TLL1: variants seen among roughly 807,000 people sequenced by gnomAD.
The protein encoded by TLL1 is tolloid like 1.
In TLL1, 49 loss-of-function variants were observed where a neutral mutation model predicts 128.2. That is an observed-to-expected ratio of 0.38 (90% confidence interval 0.30 to 0.48). TLL1 has a LOEUF of 0.48. Ranked by LOEUF, TLL1 falls within the 20% of genes least tolerant of loss-of-function variation. The pLI, the probability that TLL1 is intolerant of heterozygous loss-of-function variation, is 0.96. For synonymous variants in TLL1, 454 were observed against 418.8 expected, an observed-to-expected ratio of 1.08 and a Z score of -1.03; for missense variants, 1,123 against 1,242.0, an observed-to-expected ratio of 0.90 and a Z score of 1.44.
At chr4:165,923,325 T>TAAATATTTGACAAATCAAATATTC (rs1733120667) in intron 1 of TLL1, among the ~76,000 whole-genome samples, 1 of 151,734 alleles carries the variant, frequency 6.6e-6, no homozygotes, top group South Asian at 2.1e-4. Flanking sequence ...GTCAAATATT[T>TAAATATTTGACAAATCAAATATTC]AAATATTTGA....
intron 6 of TLL1, among the ~76,000 whole-genome samples, chr4:166,006,183 T>A (rs529855048): frequency 6.6e-6 from 1 of 151,966 alleles, no homozygotes; most frequent in Non-Finnish European, 1.5e-5. Context: ...CAAATTGGTA[T>A]AAGGATTGGG....
At chr4:165,896,462 T>G (rs1731683985) in intron 1 of TLL1, among the ~76,000 whole-genome samples, 1 of 150,576 alleles carries the variant, frequency 6.6e-6, no homozygotes, top group East Asian at 2.0e-4. Flanking sequence ...ACGAGATTGC[T>G]GGGTCAAATG....
Position 165,873,899 on chromosome 4 carries a change from A to G in TLL1, c.-6A>G. 1 of 1,612,562 alleles carries G rather than the reference A, an allele frequency of 6.2e-7. No homozygotes were observed. Among genetic ancestry groups the G allele is most frequent in the Non-Finnish European group, 8.5e-7 (1 of 1,179,738 alleles). On this transcript the variant is annotated 5_prime_UTR_variant, in exon 1 of 21. Transcript: ENST00000061240. ...CCGTCCCCTCCTTTTCCTCCGGGGG[A>G]GGAGGATGGGGTTGGGAACGCTTTC...
intron 1 of TLL1, among the ~76,000 whole-genome samples, chr4:165,900,435 G>A (rs1011345137): frequency 6.6e-6 from 1 of 152,096 alleles, no homozygotes; most frequent in Non-Finnish European, 1.5e-5. Flanking sequence ...GCCTGGTGGT[G>A]ACAAAATCTC....
intron 2 of TLL1, among the ~76,000 whole-genome samples, chr4:165,990,877 A>G (rs77904418): frequency 2.6e-5 from 4 of 152,092 alleles, no homozygotes; most frequent in African/African-American, 7.2e-5. Flanking sequence ...TAAAACATAT[A>G]TCAGTATGGG....
At chr4:166,031,396 C>G (rs1221176080) in intron 9 of TLL1, among the ~76,000 whole-genome samples, 2 of 128,798 alleles carry the variant, frequency 1.6e-5, no homozygotes, top group East Asian at 2.2e-4. Context: ...TGACATGGAG[C>G]CTTGCTGTGT....
At chr4:165,999,477 C>T (rs909153819) in intron 5 of TLL1, among the ~76,000 whole-genome samples, 2 of 152,032 alleles carry the variant, frequency 1.3e-5, no homozygotes, top group Admixed American at 6.6e-5. Context: ...TTCGTGAGAA[C>T]TCCCTTATTA....
At position 165,984,779 on chromosome 4, in the gene TLL1, T is replaced by G. The variant is rs765678762; in HGVS notation, c.170-4602T>G. On this transcript the variant is annotated intron_variant, in intron 1 of 20. Transcript: ENST00000061240. ...AGAAAAGGGGACACAATTCCTATAATTACACTTAATAATATATGTCACTAA... is the reference window on the plus strand; with the variant it reads ...AGAAAAGGGGACACAATTCCTATAAGTACACTTAATAATATATGTCACTAA... Among the ~76,000 whole-genome samples the G allele has an allele frequency of 1.8e-4, 27 of 152,066 alleles. No homozygotes were observed. The Middle Eastern group carries it at 0.01, about 57-fold the overall frequency.
intron 12 of TLL1, among the ~76,000 whole-genome samples, chr4:166,048,870 A>G (rs1739585348): frequency 6.6e-6 from 1 of 152,362 alleles, no homozygotes; most frequent in East Asian, 1.9e-4. Context: ...GCTGATTAAT[A>G]CCGTTAACCA....
At chr4:166,084,026 TC>T in intron 18 of TLL1, among the ~76,000 whole-genome samples, 1 of 152,268 alleles carries the variant, frequency 6.6e-6, no homozygotes, top group Admixed American at 6.5e-5. Flanking sequence ...GATTCCCTTT[TC>T]TCCACATCCT....
At chr4:166,096,210 G>GT (rs1742010374) in intron 19 of TLL1, among the ~76,000 whole-genome samples, 1 of 145,480 alleles carries the variant, frequency 6.9e-6, no homozygotes, top group Non-Finnish European at 1.5e-5. Context: ...TTCTGTCATG[G>GT]GTGTGTGTGT....
chr4:165,958,636 A>C (rs112469774), intron 1 of TLL1, among the ~76,000 whole-genome samples: 1 of 127,370 alleles, frequency 7.9e-6, no homozygotes. Context: ...AGTAGGTTGC[A>C]AAAATTTTCT....
chr4:165,874,170 C>G, intron 1 of TLL1, 97 bp downstream of exon 1: 1 of 1,443,742 alleles, frequency 6.9e-7, no homozygotes, highest in South Asian at 1.2e-5. Flanking sequence ...TCCTTCCCTC[C>G]CGCGTCAGCC....
At chr4:166,050,397 T>G (rs981163145) in intron 12 of TLL1, among the ~76,000 whole-genome samples, 10 of 152,202 alleles carry the variant, frequency 6.6e-5, no homozygotes, top group African/African-American at 2.4e-4. Flanking sequence ...AATGCTGCTA[T>G]GAACGTAAGT....
chr4:166,061,930 A>G (rs1037368428), intron 15 of TLL1, among the ~76,000 whole-genome samples: 1 of 152,138 alleles, frequency 6.6e-6, no homozygotes, highest in Non-Finnish European at 1.5e-5. Flanking sequence ...TCAGCTTTCT[A>G]CATATGGCTA....
intron 1 of TLL1, among the ~76,000 whole-genome samples, chr4:165,883,121 G>A (rs1208791282): frequency 2.0e-5 from 3 of 151,982 alleles, no homozygotes; most frequent in African/African-American, 7.3e-5. Context: ...AAGTAGCATG[G>A]GGCTTCATAC....
chr4:166,062,574 C>G lies in TLL1; in HGVS notation c.2007+2386C>G, dbSNP rs541280206. Among the ~76,000 whole-genome samples, 119 of 152,254 alleles carry G rather than the reference C, an allele frequency of 7.8e-4. 4 individuals are homozygous for G. The South Asian group carries it at 0.024, about 31-fold the overall frequency. ...GATTTTTGCACATTGATTTTGTATT[C>G]TGAGACTTTGCTGAAGTTGGTTTTC... On this transcript the variant is annotated intron_variant, in intron 15 of 20. Coordinates refer to ENST00000061240, the MANE Select transcript of TLL1 (RefSeq NM_012464.5).
intron 12 of TLL1, chr4:166,044,518 A>G: frequency 1.8e-6 from 2 of 1,140,464 alleles, no homozygotes; most frequent in South Asian, 2.8e-5. Flanking sequence ...TGTTACCAAA[A>G]AAATATATAC....
intron 1 of TLL1, among the ~76,000 whole-genome samples, chr4:165,979,297 C>T (rs1736032189): frequency 6.6e-6 from 1 of 151,706 alleles, no homozygotes; most frequent in Non-Finnish European, 1.5e-5. Flanking sequence ...GAAAAAGATA[C>T]AAATAAATGT....
Sources: allele counts gnomAD v4.1 joint callset (sites outside exome capture counted in the v4.1 genomes callset), GRCh38; gene constraint gnomAD v4.1.1; transcripts MANE v1.5; gene names NCBI Gene and HGNC (gene_info 2026-07-23, HGNC 2026-07-21).